Variants in IGSF9B observed in about 807,000 individuals in gnomAD.
The protein encoded by IGSF9B is protein turtle homolog B.
Under a neutral mutation model 143.7 loss-of-function variants are expected in IGSF9B, and 48 were observed. That is an observed-to-expected ratio of 0.33 (90% confidence interval 0.26 to 0.42). The LOEUF (loss-of-function observed/expected upper bound fraction) is 0.42. Among genes scored for constraint, IGSF9B ranks in the 20% least tolerant of loss-of-function variants. The pLI is 1.00. For missense variants in IGSF9B, 1,706 were observed against 1,980.0 expected (o/e 0.86, Z 2.63); for synonymous variants, 903 against 833.1 (o/e 1.08, Z -1.44).
chr11:133,935,005 G>T (rs1170256830), intron 7 of IGSF9B, among the ~76,000 whole-genome samples: 4 of 152,256 alleles, frequency 2.6e-5, no homozygotes, highest in African/African-American at 9.6e-5. Context: ...AAAGCAACTG[G>T]CGGCTCAGTA....
At chr11:133,926,709 A>G (rs781060693) in intron 13 of IGSF9B, among the ~76,000 whole-genome samples, 1 of 152,258 alleles carries the variant, frequency 6.6e-6, no homozygotes, top group Non-Finnish European at 1.5e-5. Flanking sequence ...AAAAAGCAAC[A>G]GGAATTCGGC....
rs749614349 is a variant in IGSF9B, at chr11:133,920,090, C to G, written c.3635G>C (p.Arg1212Pro). 10 of 1,524,390 alleles carry G rather than the reference C, an allele frequency of 6.6e-6. No homozygotes were observed. In the East Asian group the frequency reaches 2.3e-4, roughly 35 times the overall value. 94.4% of individuals were successfully genotyped at this position (1,524,390 alleles called of 1,614,324 possible). The change falls in exon 18 of 20, where the codon CGC (arginine) becomes CCC (proline). Residue 1212 changes from arginine (R) to proline (P), a missense_variant. By Grantham distance (103) the Arg-to-Pro change is moderately radical (BLOSUM62 -2). Coordinates refer to ENST00000533871, the MANE Select transcript of IGSF9B (RefSeq NM_001277285.4). ...SPLTQSPLSSRTGSPELAARA... is the reference protein window; with the variant it reads ...SPLTQSPLSSPTGSPELAARA... ...GGCGGCGAGCTCAGGGGAGCCGGTG[C>G]GGGAGCTGAGGGGGCTTTGGGTCAG...
In IGSF9B at chr11:133,907,681, CT is replaced by C. The variant is rs766563101; in HGVS notation, c.*1387del. Reference sequence around the variant, plus strand: ...GCTACGAGTTTGAACCAGGACCAGACTTTGGCAGAGGAAGAGTCAGTGCCCA... The same window carrying C: ...GCTACGAGTTTGAACCAGGACCAGACTTGGCAGAGGAAGAGTCAGTGCCCA... On this transcript the variant is annotated 3_prime_UTR_variant, in exon 20 of 20. Transcript: ENST00000533871. 6.6e-6 allele frequency among the ~76,000 whole-genome samples: 1 copy of C among 152,206 alleles called. No individual in the cohort carries two copies. Among genetic ancestry groups the C allele is most frequent in the Non-Finnish European group, 1.5e-5 (1 of 68,036 alleles).
In IGSF9B at chr11:133,899,033, T is replaced by C. The variant is rs556339102; in HGVS notation, c.*10036A>G. ...CCCACACTGATCCATGGGAGAGTGA[T>C]TCTCACACATCTCCCTATTCCCGAC... is the stretch of plus-strand genomic sequence containing the variant. On this transcript the variant is annotated 3_prime_UTR_variant, in exon 20 of 20. Transcript: ENST00000533871. 4 of 152,366 alleles carry C rather than the reference T, an allele frequency of 2.6e-5. No individual in the cohort carries two copies. The highest frequency in any genetic ancestry group is 6.5e-5 in the Admixed American group (1 of 15,300). 9.4% of individuals were successfully genotyped at this position (152,366 alleles called of 1,614,324 possible).
rs1940202910 is a variant in IGSF9B at position 133,953,688 on chromosome 11, A to C, written c.64+3003T>G. On this transcript the variant is annotated intron_variant, in intron 1 of 19. Coordinates refer to ENST00000533871, the MANE Select transcript of IGSF9B (RefSeq NM_001277285.4). This position sits in a 1 kb window ranked among gnomAD's most constrained non-coding sequence, Gnocchi z 4.2. ...CGACAGAATCTGTGGCAGACAGAGG[A>C]GGCAGCCGTGGGAGTAAAGTCTGGG... Among the ~76,000 whole-genome samples, 1 of 152,200 alleles carries C rather than the reference A, an allele frequency of 6.6e-6. No individual in the cohort carries two copies. The highest frequency in any genetic ancestry group is 6.5e-5 in the Admixed American group (1 of 15,280).
chr11:133,926,867 C>G lies in IGSF9B; in HGVS notation c.1807+49G>C, dbSNP rs370151605. The G allele has an allele frequency of 5.2e-5, 78 of 1,496,080 alleles. No individual in the cohort carries two copies. In the African/African-American group the frequency reaches 9.4e-4, roughly 18 times the overall value. The allele number at this position is 1,496,080 out of a possible 1,614,324, so 92.7% of individuals were successfully genotyped here. A position where few individuals can be genotyped will look rare whatever the true frequency, so the allele number is the denominator to read the frequency against. Reference sequence around the variant, plus strand: ...GCTATAGCTGCCTGGGCCACCGCCCCCACCACCTCTACAACCCCCGCTCCC... The same window carrying G: ...GCTATAGCTGCCTGGGCCACCGCCCGCACCACCTCTACAACCCCCGCTCCC... On this transcript the variant is annotated intron_variant, in intron 13 of 19. Coordinates refer to ENST00000533871, the MANE Select transcript of IGSF9B (RefSeq NM_001277285.4).
chr11:133,956,519 G>A (rs12792661), intron 1 of IGSF9B, among the ~76,000 whole-genome samples, 172 bp downstream of exon 1: 24,713 of 71,788 alleles, frequency 0.34, 2,467 homozygotes, highest in South Asian at 0.47. Context: ...GGCCCTCCCC[G>A]GCAATGCTCC....
intron 3 of IGSF9B, among the ~76,000 whole-genome samples, chr11:133,941,515 C>T (rs1939955308): frequency 6.6e-6 from 1 of 152,210 alleles, no homozygotes; most frequent in Non-Finnish European, 1.5e-5. Context: ...GCTTGGATTC[C>T]TTCCTTCAGT....
rs763126640 is a variant in IGSF9B, at chr11:133,922,240, G to A, written c.2282-18C>T. ...TGGAGGGTCTGGAAGGAAAGAGAAG[G>A]GGAGAGGCTGCTGAGGCCAAGCCAG... On this transcript the variant is annotated intron_variant, in intron 16 of 19. Coordinates refer to ENST00000533871, the MANE Select transcript of IGSF9B (RefSeq NM_001277285.4). The A allele has an allele frequency of 6.2e-7, 1 of 1,610,506 alleles. No individual in the cohort carries two copies. Among genetic ancestry groups the A allele is most frequent in the South Asian group, 1.1e-5 (1 of 90,134 alleles).
In IGSF9B at chr11:133,920,391, G is replaced by C. The variant is rs763492394; in HGVS notation, c.3334C>G (p.Pro1112Ala). The change falls in exon 18 of 20, where the codon CCT becomes GCT. Residue 1112 changes from proline to alanine, a missense_variant. This residue lies in a region of IGSF9B where 880 missense variants were observed against 762.9 expected (regional missense o/e 1.15). Transcript: ENST00000533871. ...GWAGKSPGRG[P>A]VPAPPAAKWQ... ...TTGGCGGCGGGGGGCGCTGGGACAG[G>C]GCCCCTGCCGGGCGACTTGCCTGCC... is the stretch of plus-strand genomic sequence containing the variant. The C allele has an allele frequency of 6.3e-7, 1 of 1,599,262 alleles. No individual in the cohort carries two copies. The highest frequency in any genetic ancestry group is 1.7e-5 in the Admixed American group (1 of 57,332).
Position 133,931,004 on chromosome 11 carries a change from C to T in IGSF9B, c.1499G>A (p.Ser500Asn), listed in dbSNP as rs1328697509. ...CGTACCGATGACGGTGAGGTGGGTG[C>T]TGGCAGTGATGCTCGTGACCACGTT... ...ATNVVTSITA[S>N]THLTVIGTSP... Residue 500 changes from serine to asparagine, a missense_variant, in exon 11 of 20, where the codon AGC becomes AAC. By Grantham distance (46) the Ser-to-Asn change is conservative. Coordinates refer to ENST00000533871, the MANE Select transcript of IGSF9B (RefSeq NM_001277285.4). The surrounding 1 kb of genome is among the most constrained non-coding windows in gnomAD (Gnocchi z 7.7). The T allele has an allele frequency of 6.2e-7, 1 of 1,612,654 alleles. No homozygotes were observed. Among genetic ancestry groups the T allele is most frequent in the Non-Finnish European group, 8.5e-7 (1 of 1,179,280 alleles).
Position 133,908,548 on chromosome 11 carries a change from C to T in IGSF9B, c.*521G>A, listed in dbSNP as rs906035155. ...CTCCTCCTCCTGCCTCCACTGACCACAGAGAGCAACAGCACTTTGCCTCAA... is the reference window on the plus strand; with the variant it reads ...CTCCTCCTCCTGCCTCCACTGACCATAGAGAGCAACAGCACTTTGCCTCAA... On this transcript the variant is annotated 3_prime_UTR_variant, in exon 20 of 20. Transcript: ENST00000533871. 3.3e-5 allele frequency: 5 copies of T among 151,464 alleles called. No individual in the cohort carries two copies. The highest frequency in any genetic ancestry group is 9.7e-5 in the African/African-American group (4 of 41,226). 9.4% of individuals were successfully genotyped at this position (151,464 alleles called of 1,614,324 possible). A position where few individuals can be genotyped will look rare whatever the true frequency, so the allele number is the denominator to read the frequency against.
Position 133,956,943 on chromosome 11 carries a change from G to T in IGSF9B, c.-189C>A. 2.7e-6 allele frequency: 1 copy of T among 377,076 alleles called. No individual in the cohort carries two copies. The highest frequency in any genetic ancestry group is 1.3e-4 in the South Asian group (1 of 7,750). 23.4% of individuals were successfully genotyped at this position (377,076 alleles called of 1,614,324 possible). A position where few individuals can be genotyped will look rare whatever the true frequency, so the allele number is the denominator to read the frequency against. The stretch of plus-strand genomic sequence containing the variant: ...CGCTCGGCTCGGCGCGCGCCTCCCC[G>T]GCCCCGGCGCAGCGGCACCTGCACT... On this transcript the variant is annotated 5_prime_UTR_variant, in exon 1 of 20. Transcript: ENST00000533871.
At position 133,901,586 on chromosome 11, in the gene IGSF9B, C is replaced by T. The variant is rs1319149825; in HGVS notation, c.*7483G>A. The T allele has an allele frequency of 6.6e-6, 1 of 152,208 alleles. No homozygotes were observed. The highest frequency in any genetic ancestry group is 1.9e-4 in the East Asian group (1 of 5,202). 9.4% of individuals were successfully genotyped at this position (152,208 alleles called of 1,614,324 possible). A position where few individuals can be genotyped will look rare whatever the true frequency, so the allele number is the denominator to read the frequency against. On this transcript the variant is annotated 3_prime_UTR_variant, in exon 20 of 20. Coordinates refer to ENST00000533871, the MANE Select transcript of IGSF9B (RefSeq NM_001277285.4). ...TGATCCTTGCCTCCCACATACATTC[C>T]CCTCTCTCCTTAAAATAGAACCAAT...
intron 1 of IGSF9B, among the ~76,000 whole-genome samples, chr11:133,954,211 G>A (rs1180426794): frequency 1.3e-5 from 2 of 152,184 alleles, no homozygotes; most frequent in Admixed American, 1.3e-4. Flanking sequence ...TCTCTCCAGA[G>A]GCTGTGTGTT....
At position 133,948,575 on chromosome 11, in the gene IGSF9B, G is replaced by C. The variant is rs909211844; in HGVS notation, c.65-2317C>G. The stretch of plus-strand genomic sequence containing the variant: ...ATCACAAAGGCGGATGCTGGACCAA[G>C]AGGAATGGGTGAATAATGGGTGCCA... On this transcript the variant is annotated intron_variant, in intron 1 of 19. Transcript: ENST00000533871. The surrounding 1 kb of genome is among the most constrained non-coding windows in gnomAD (Gnocchi z 4.7). Among the ~76,000 whole-genome samples, 11 of 151,776 alleles carry C rather than the reference G, an allele frequency of 7.2e-5. No homozygotes were observed. Among genetic ancestry groups the C allele is most frequent in the Non-Finnish European group, 1.5e-4 (10 of 67,998 alleles).
intron 3 of IGSF9B, among the ~76,000 whole-genome samples, chr11:133,941,265 C>T (rs10444323): frequency 0.19 from 28,446 of 152,196 alleles, 3,391 homozygotes; most frequent in Non-Finnish European, 0.27. Context: ...AGGCTGCCCT[C>T]TCCTCCATGT....
intron 11 of IGSF9B, 103 bp downstream of exon 11, chr11:133,930,881 C>CA (rs1202759245): frequency 1.7e-6 from 2 of 1,211,002 alleles, no homozygotes; most frequent in Non-Finnish European, 2.3e-6. Flanking sequence ...AGGGAGCCCG[C>CA]AGAGTGCAGC....
Position 133,901,698 on chromosome 11 carries a change from CAG to C in IGSF9B, c.*7369_*7370del, listed in dbSNP as rs1386590813. On this transcript the variant is annotated 3_prime_UTR_variant, in exon 20 of 20. Coordinates refer to ENST00000533871, the MANE Select transcript of IGSF9B (RefSeq NM_001277285.4). ...TACTAATTTGACCCTCCTACCCAAA[CAG>C]AAGTTGTCTAGCAAAAGAGCCAAAC... is the stretch of plus-strand genomic sequence containing the variant. 1 of 152,116 alleles carries C rather than the reference CAG, an allele frequency of 6.6e-6. No individual in the cohort carries two copies. The highest frequency in any genetic ancestry group is 2.4e-5 in the African/African-American group (1 of 41,396). 9.4% of individuals were successfully genotyped at this position (152,116 alleles called of 1,614,324 possible).
Sources: allele counts gnomAD v4.1 joint callset (sites outside exome capture counted in the v4.1 genomes callset), GRCh38; gene constraint gnomAD v4.1.1; regional missense constraint gnomAD v4.1.1; non-coding constraint Gnocchi (gnomAD v3.1); transcripts MANE v1.5; gene names NCBI Gene and HGNC (gene_info 2026-07-23, HGNC 2026-07-21).